The following SEMA4D variants were observed in gnomAD, a reference collection of about 807,000 sequenced individuals.
The protein encoded by SEMA4D is semaphorin-4D.
In SEMA4D, 22 loss-of-function variants were observed where a neutral mutation model predicts 74.8. The observed-to-expected ratio is 0.29, with a 90% CI of 0.21 to 0.42. SEMA4D has a LOEUF of 0.42. SEMA4D is among the 10% of genes least tolerant of loss of function. The probability of loss-of-function intolerance (pLI) is 1.00; values close to 1 mark genes in which losing one functional copy is unlikely to be tolerated. For missense variants in SEMA4D, 937 were observed against 1,118.4 expected (o/e 0.84, Z 2.31); for synonymous variants, 445 against 463.7 (o/e 0.96, Z 0.52).
At chr9:89,388,154 C>T (rs555305279) in intron 11 of SEMA4D, among the ~76,000 whole-genome samples, 1 of 152,284 alleles carries the variant, frequency 6.6e-6, no homozygotes, top group East Asian at 1.9e-4. Context: ...CTCTGAGGGC[C>T]AGGACACCCC....
chr9:89,462,492 G>A (rs1008228381), intron 1 of SEMA4D, among the ~76,000 whole-genome samples: 11 of 152,282 alleles, frequency 7.2e-5, no homozygotes, highest in African/African-American at 2.4e-4. Context: ...TTTCCCTGTG[G>A]CATACCCACT....
intron 2 of SEMA4D, among the ~76,000 whole-genome samples, chr9:89,417,203 G>T (rs73654783): frequency 0.062 from 9,411 of 152,204 alleles, 615 homozygotes; most frequent in African/African-American, 0.16. Flanking sequence ...AAAGAAACCA[G>T]CAAAAAATAC....
chr9:89,409,710 A>G (rs569748070), intron 2 of SEMA4D, among the ~76,000 whole-genome samples: 235 of 152,262 alleles, frequency 1.5e-3, no homozygotes, highest in African/African-American at 5.6e-3. Context: ...AGGAGCAGAG[A>G]CGCAAGACCC....
chr9:89,385,107 G>A, intron 13 of SEMA4D: 1 of 953,286 alleles, frequency 1.0e-6, no homozygotes, highest in Non-Finnish European at 1.2e-6. Flanking sequence ...GTGTGGCCAT[G>A]TGACCGAGTT....
intron 1 of SEMA4D, among the ~76,000 whole-genome samples, chr9:89,493,542 C>T (rs1825786008): frequency 6.6e-6 from 1 of 152,216 alleles, no homozygotes; most frequent in African/African-American, 2.4e-5. Context: ...GGGAAACTTT[C>T]TGTCCTTCCA....
intron 1 of SEMA4D, among the ~76,000 whole-genome samples, chr9:89,473,395 C>G (rs1414235550): frequency 1.3e-5 from 2 of 151,378 alleles, no homozygotes; most frequent in African/African-American, 2.4e-5. Context: ...GGCAACACAG[C>G]AAGACCTCAT....
chr9:89,490,672 A>G (rs1342431483), intron 1 of SEMA4D, among the ~76,000 whole-genome samples: 1 of 152,218 alleles, frequency 6.6e-6, no homozygotes, highest in Non-Finnish European at 1.5e-5. Context: ...TTGACTTAGG[A>G]TATCTTCAAC....
At chr9:89,460,461 G>A (rs572927878) in intron 1 of SEMA4D, among the ~76,000 whole-genome samples, 14 of 152,204 alleles carry the variant, frequency 9.2e-5, no homozygotes, top group Non-Finnish European at 1.8e-4. Flanking sequence ...ACTAAGTCTG[G>A]ATTTGTTTTA....
chr9:89,431,931 C>T (rs1243800583), intron 2 of SEMA4D, among the ~76,000 whole-genome samples: 1 of 152,340 alleles, frequency 6.6e-6, no homozygotes, highest in African/African-American at 2.4e-5. Flanking sequence ...ACAGTCAAGG[C>T]CCCAATACGA....
chr9:89,363,390 G>A (rs1003272658), intron 18 of SEMA4D: 1 of 1,602,444 alleles, frequency 6.2e-7, no homozygotes, highest in African/African-American at 1.3e-5. Context: ...CCTGCCCCTG[G>A]CTCCAGCCCT....
intron 1 of SEMA4D, among the ~76,000 whole-genome samples, chr9:89,480,223 T>C (rs1824448651): frequency 6.6e-6 from 1 of 151,792 alleles, no homozygotes; most frequent in Non-Finnish European, 1.5e-5. Context: ...AGCAGCTAGA[T>C]ACAGAGTGTC....
chr9:89,405,398 G>A lies in SEMA4D; in HGVS notation c.59C>T (p.Thr20Ile). The change falls in exon 3 of 16, where the codon ACA becomes ATA. Residue 20 changes from threonine (T) to isoleucine (I), a missense_variant. Transcript: ENST00000422704. ...GGGTATGGGTGCAAATGCCATCGCT[G>A]TCCCAAACATCACTGCAAGGGCCAT... ...LLMALAVMFG[T>I]AMAFAPIPRI... is the part of the protein sequence containing the mutation. 1 of 1,614,134 alleles carries A rather than the reference G, an allele frequency of 6.2e-7. No individual in the cohort carries two copies. The highest frequency in any genetic ancestry group is 1.7e-5 in the Admixed American group (1 of 60,030).
intron 16 of SEMA4D, chr9:89,364,361 A>C (rs980735739): frequency 2.4e-5 from 7 of 287,368 alleles, no homozygotes; most frequent in African/African-American, 1.5e-4. Flanking sequence ...TGCCATCACC[A>C]GGGCCACAGC....
Position 89,378,585 on chromosome 9 carries a change from C to T in SEMA4D, c.*119G>A, listed in dbSNP as rs533397327. On this transcript the variant is annotated 3_prime_UTR_variant, in exon 16 of 16. Coordinates refer to ENST00000422704, the MANE Select transcript of SEMA4D (RefSeq NM_001371194.2). ...GACAAGAGGACTGAGGTTGTCTGCA[C>T]GATGCGGGCTAACCTACGCAGCACT... The T allele has an allele frequency of 3.1e-4, 218 of 696,218 alleles. 1 individual carries two copies. In the African/African-American group the frequency reaches 3.7e-3, roughly 12 times the overall value. 43.1% of individuals were successfully genotyped at this position (696,218 alleles called of 1,614,324 possible).
chr9:89,485,978 G>A (rs1009253892), intron 1 of SEMA4D, among the ~76,000 whole-genome samples: 4 of 152,060 alleles, frequency 2.6e-5, no homozygotes, highest in Non-Finnish European at 5.9e-5. Context: ...GTAAACAAGA[G>A]GGGAGAACTG....
chr9:89,491,840 G>A (rs1385145268), intron 1 of SEMA4D, among the ~76,000 whole-genome samples: 6 of 152,118 alleles, frequency 3.9e-5, no homozygotes, highest in Non-Finnish European at 7.4e-5. Flanking sequence ...GTCCACCAGC[G>A]ATGGGACAGC....
chr9:89,429,190 C>T (rs572794542), intron 2 of SEMA4D, among the ~76,000 whole-genome samples: 1 of 152,216 alleles, frequency 6.6e-6, no homozygotes, highest in Admixed American at 6.5e-5. Flanking sequence ...ACCTCCCTGC[C>T]CAGTCAGCCC....
intron 1 of SEMA4D, among the ~76,000 whole-genome samples, chr9:89,473,465 G>T (rs1446932850): frequency 6.6e-6 from 1 of 151,974 alleles, no homozygotes; most frequent in Non-Finnish European, 1.5e-5. Flanking sequence ...AGGCATGGTG[G>T]TGCACACCTG....
intron 16 of SEMA4D, chr9:89,367,177 G>A (rs1002713868): frequency 6.6e-6 from 1 of 152,634 alleles, no homozygotes; most frequent in Non-Finnish European, 1.5e-5. Context: ...ATGAGAGAGA[G>A]GGAAAGTGAG....
Sources: gnomAD v4.1 joint callset for allele counts (sites outside exome capture counted in the v4.1 genomes callset) on GRCh38, gnomAD v4.1.1 for gene constraint, MANE v1.5 for transcripts, NCBI Gene and HGNC (gene_info 2026-07-23, HGNC 2026-07-21) for gene names.